HMG20A: variants seen among roughly 807,000 people sequenced by gnomAD.
The protein encoded by HMG20A is high mobility group protein 20A.
Under a neutral mutation model 43.9 loss-of-function variants are expected in HMG20A, and 17 were observed. The ratio of observed to expected loss-of-function variants is 0.39; its 90% confidence interval spans 0.27 to 0.58. The LOEUF (loss-of-function observed/expected upper bound fraction) is 0.58. Among genes scored for constraint, HMG20A ranks in the 20% least tolerant of loss-of-function variants. The pLI, the probability that HMG20A is intolerant of heterozygous loss-of-function variation, is 0.59. For synonymous variants in HMG20A, 132 were observed against 147.5 expected, an observed-to-expected ratio of 0.89 and a Z score of 0.76; for missense variants, 341 against 438.2, an observed-to-expected ratio of 0.78 and a Z score of 1.98.
chr15:77,488,641 T>C (rs1375137349), downstream of HMG20A, among the ~76,000 whole-genome samples: 1 of 152,160 alleles, frequency 6.6e-6, no homozygotes. Context: ...TCAGAGTTTG[T>C]CTGGTAGAGG....
intron 1 of HMG20A, among the ~76,000 whole-genome samples, chr15:77,437,504 G>C (rs2073561816): frequency 6.6e-6 from 1 of 152,144 alleles, no homozygotes; most frequent in Non-Finnish European, 1.5e-5. Context: ...AGCTAAATTG[G>C]CAGTGTGTGC....
At chr15:77,447,300 G>A (rs558886418) in intron 1 of HMG20A, among the ~76,000 whole-genome samples, 295 of 152,278 alleles carry the variant, frequency 1.9e-3, no homozygotes, top group Non-Finnish European at 3.3e-3. Context: ...CTTGTAAAAT[G>A]ACAAATTTTG....
At chr15:77,497,318 C>A in the HMG20A span, among the ~76,000 whole-genome samples, 1 of 152,356 alleles carries the variant, frequency 6.6e-6, no homozygotes, top group South Asian at 2.1e-4. Flanking sequence ...GGCCAGCAGG[C>A]CTAGGCAAGG....
chr15:77,423,580 T>C (rs1158262375), intron 1 of HMG20A, among the ~76,000 whole-genome samples: 3 of 152,260 alleles, frequency 2.0e-5, no homozygotes, highest in Admixed American at 6.5e-5. Context: ...ATAACCATTT[T>C]CTTTTCCAAA....
chr15:77,443,160 G>A (rs1369141841), intron 1 of HMG20A, among the ~76,000 whole-genome samples: 2 of 149,954 alleles, frequency 1.3e-5, no homozygotes, highest in East Asian at 2.0e-4. Context: ...AGCCTCCAGA[G>A]TAGCTGGGAT....
chr15:77,514,499 T>C, the HMG20A span, among the ~76,000 whole-genome samples: 3 of 152,210 alleles, frequency 2.0e-5, no homozygotes, highest in African/African-American at 7.2e-5. Flanking sequence ...ACATGTAAGA[T>C]GTGGATGGTT....
chr15:77,436,920 G>A (rs1402147283), intron 1 of HMG20A, among the ~76,000 whole-genome samples: 1 of 152,160 alleles, frequency 6.6e-6, no homozygotes, highest in African/African-American at 2.4e-5. Flanking sequence ...CATGGCCCCA[G>A]ATCTGTTCTG....
intron 1 of HMG20A, among the ~76,000 whole-genome samples, chr15:77,450,461 G>A (rs183912165): frequency 6.6e-6 from 1 of 152,274 alleles, no homozygotes; most frequent in East Asian, 1.9e-4. Flanking sequence ...AACAAAGTTT[G>A]TATACATTGA....
rs146414197 is a variant in HMG20A, at chr15:77,477,798, G to A, written c.691+168G>A. Among the ~76,000 whole-genome samples the A allele has an allele frequency of 2.1e-3, 326 of 152,256 alleles. 2 individuals carry two copies. The highest frequency in any genetic ancestry group is 0.017 in the Middle Eastern group (5 of 294). On this transcript the variant is annotated intron_variant, in intron 7 of 9. Transcript: ENST00000336216. ...TGTTGTCAAAGCTTCTTTGGTCTCT[G>A]GATGAAAGGAAATAAATGCAAATCA...
chr15:77,450,373 A>G (rs1260007295), intron 1 of HMG20A, among the ~76,000 whole-genome samples: 1 of 152,198 alleles, frequency 6.6e-6, no homozygotes, highest in Non-Finnish European at 1.5e-5. Flanking sequence ...CAGGAAATCC[A>G]TTTATGGTGT....
In HMG20A at chr15:77,478,003, G is replaced by A. The variant is rs572349619; in HGVS notation, c.692-292G>A. ...CCCCTGCAAAACCCCTCAGGCTTCT[G>A]ATTGTACAATTTAAAAAGCAAAAAC... is the stretch of plus-strand genomic sequence containing the variant. On this transcript the variant is annotated intron_variant, in intron 7 of 9. Coordinates refer to ENST00000336216, the MANE Select transcript of HMG20A (RefSeq NM_001304504.2). 175 of 506,066 alleles carry A rather than the reference G, an allele frequency of 3.5e-4. 1 individual carries two copies. In the Middle Eastern group the frequency reaches 4.3e-3, roughly 13 times the overall value. The allele number at this position is 506,066 out of a possible 1,614,324, so 31.3% of individuals were successfully genotyped here.
chr15:77,463,280 C>T (rs2072722686), intron 2 of HMG20A, among the ~76,000 whole-genome samples: 1 of 152,166 alleles, frequency 6.6e-6, no homozygotes, highest in Non-Finnish European at 1.5e-5. Context: ...TAACATCCCT[C>T]CATACATATA....
At chr15:77,515,110 C>A in the HMG20A span, among the ~76,000 whole-genome samples, 5 of 152,014 alleles carry the variant, frequency 3.3e-5, no homozygotes, top group East Asian at 9.7e-4. Context: ...GTTTGAGATC[C>A]CCATGGAAGC....
downstream of HMG20A, among the ~76,000 whole-genome samples, chr15:77,486,655 A>G (rs560997852): frequency 4.6e-5 from 7 of 152,306 alleles, no homozygotes; most frequent in South Asian, 1.5e-3. Flanking sequence ...GGGTGAGGCA[A>G]CCTGGTTTCC....
At chr15:77,519,748 A>G in the HMG20A span, among the ~76,000 whole-genome samples, 4 of 152,202 alleles carry the variant, frequency 2.6e-5, no homozygotes, top group African/African-American at 4.8e-5. Flanking sequence ...TTTTGTTGTC[A>G]TGGCAGGAAA....
At chr15:77,512,763 C>T in the HMG20A span, among the ~76,000 whole-genome samples, 2 of 151,746 alleles carry the variant, frequency 1.3e-5, no homozygotes, top group Non-Finnish European at 2.9e-5. Context: ...CAAACTTACT[C>T]TATATAAAAT....
chr15:77,472,521 G>A (rs534591480), intron 6 of HMG20A, among the ~76,000 whole-genome samples: 6 of 152,212 alleles, frequency 3.9e-5, no homozygotes, highest in East Asian at 3.9e-4. Context: ...TGATCCACCC[G>A]CCTTGGCCTC....
At chr15:77,481,708 G>A (rs1014787291) in intron 9 of HMG20A, among the ~76,000 whole-genome samples, 1 of 152,136 alleles carries the variant, frequency 6.6e-6, no homozygotes, top group African/African-American at 2.4e-5. Context: ...ATAGCTAAAA[G>A]TGTGAACTGT....
the HMG20A span, among the ~76,000 whole-genome samples, chr15:77,500,722 C>T: frequency 6.6e-6 from 1 of 152,138 alleles, no homozygotes; most frequent in African/African-American, 2.4e-5. Flanking sequence ...GTGCCTACCA[C>T]CATGACCGGC....
Sources: gnomAD v4.1 joint callset for allele counts (sites outside exome capture counted in the v4.1 genomes callset) on GRCh38, gnomAD v4.1.1 for gene constraint, MANE v1.5 for transcripts, NCBI Gene and HGNC (gene_info 2026-07-23, HGNC 2026-07-21) for gene names.